Variants in STARD13 observed in about 807,000 individuals in gnomAD.
The protein encoded by STARD13 is StAR related lipid transfer domain containing 13, also known as stAR-related lipid transfer protein 13.
A neutral mutation model predicts 106.4 loss-of-function variants in STARD13; 62 were observed. The observed-to-expected ratio is 0.58, with a 90% CI of 0.48 to 0.72. The LOEUF (loss-of-function observed/expected upper bound fraction) is 0.72. Ranked by LOEUF, STARD13 falls within the 30% of genes least tolerant of loss-of-function variation. The pLI is 0.00. For synonymous variants in STARD13, 565 were observed against 553.0 expected, an observed-to-expected ratio of 1.02 and a Z score of -0.31; for missense variants, 1,387 against 1,424.0, an observed-to-expected ratio of 0.97 and a Z score of 0.42.
At chr13:33,220,942 T>C (rs1594125226) in intron 1 of STARD13, among the ~76,000 whole-genome samples, 2 of 152,314 alleles carry the variant, frequency 1.3e-5, no homozygotes, top group East Asian at 3.9e-4. Flanking sequence ...CTGAATATCG[T>C]TGGAGCAGTT....
chr13:33,373,129 C>T, the STARD13 span, among the ~76,000 whole-genome samples: 1 of 152,092 alleles, frequency 6.6e-6, no homozygotes, highest in East Asian at 1.9e-4. Flanking sequence ...CTCTTTCTTG[C>T]CATATGCTAG....
the STARD13 span, among the ~76,000 whole-genome samples, chr13:33,492,399 T>C: frequency 2.0e-5 from 3 of 152,114 alleles, no homozygotes; most frequent in Non-Finnish European, 4.4e-5. Context: ...AGGGGCTGGA[T>C]AAAATGAGGT....
the STARD13 span, among the ~76,000 whole-genome samples, chr13:33,650,164 ATTTTTTTTTTTTTTTTTTTTTT>A: frequency 3.5e-3 from 170 of 48,362 alleles, 2 homozygotes; most frequent in African/African-American, 0.01. Context: ...CGTGACTCCA[ATTTTTTTTTTTTTTTTTTTTTT>A]TTTTTTTTTT....
chr13:33,358,291 A>C, the STARD13 span, among the ~76,000 whole-genome samples: 1 of 152,222 alleles, frequency 6.6e-6, no homozygotes, highest in African/African-American at 2.4e-5. Context: ...GTGCAGCCCG[A>C]GCCTCCCCGA....
At chr13:33,413,314 A>C in the STARD13 span, among the ~76,000 whole-genome samples, 1 of 152,132 alleles carries the variant, frequency 6.6e-6, no homozygotes, top group African/African-American at 2.4e-5. Context: ...AAATGAGGAA[A>C]AGTCTCAAAT....
At chr13:33,258,052 T>C (rs1594176946) in intron 1 of STARD13, among the ~76,000 whole-genome samples, 1 of 152,370 alleles carries the variant, frequency 6.6e-6, no homozygotes, top group East Asian at 1.9e-4. Flanking sequence ...TTTATATGAA[T>C]GTGATAAGGC....
At chr13:33,500,867 T>C in the STARD13 span, among the ~76,000 whole-genome samples, 1 of 152,150 alleles carries the variant, frequency 6.6e-6, no homozygotes, top group African/African-American at 2.4e-5. Flanking sequence ...TTGATTCTCT[T>C]ACTGTTTTTC....
intron 1 of STARD13, among the ~76,000 whole-genome samples, chr13:33,343,511 G>A (rs1405473533): frequency 7.2e-6 from 1 of 139,282 alleles, no homozygotes; most frequent in African/African-American, 2.6e-5. Context: ...CTTCAAGGTT[G>A]AGGCTGCACT....
chr13:33,140,170 T>C (rs139106034), intron 4 of STARD13, among the ~76,000 whole-genome samples: 3 of 152,290 alleles, frequency 2.0e-5, no homozygotes, highest in Non-Finnish European at 2.9e-5. Context: ...CGCCTCTGGG[T>C]TTTGAAAAGC....
chr13:33,437,816 T>C, the STARD13 span, among the ~76,000 whole-genome samples: 1 of 152,216 alleles, frequency 6.6e-6, no homozygotes, highest in Admixed American at 6.5e-5. Context: ...AATATTTATG[T>C]GAAAATCGAT....
chr13:33,429,930 G>T, the STARD13 span, among the ~76,000 whole-genome samples: 10 of 149,466 alleles, frequency 6.7e-5, no homozygotes, highest in East Asian at 5.9e-4. Context: ...TTTTTTTTGG[G>T]GGGGGGGGAC....
At chr13:33,662,130 T>C in the STARD13 span, among the ~76,000 whole-genome samples, 5 of 151,636 alleles carry the variant, frequency 3.3e-5, no homozygotes, top group African/African-American at 7.3e-5. Context: ...GGCGTGGTGG[T>C]GGGCGCCTAT....
At chr13:33,246,985 T>C (rs2555601) in intron 1 of STARD13, among the ~76,000 whole-genome samples, 98,776 of 151,662 alleles carry the variant, frequency 0.65, 32,824 homozygotes, top group Middle Eastern at 0.72. Context: ...TCGCCTGAGG[T>C]CAGGAGTTCG....
At chr13:33,551,433 G>A in the STARD13 span, among the ~76,000 whole-genome samples, 3 of 152,074 alleles carry the variant, frequency 2.0e-5, no homozygotes, top group Non-Finnish European at 2.9e-5. Context: ...TTTCAGATTA[G>A]GGATGGTTAA....
intron 1 of STARD13, among the ~76,000 whole-genome samples, chr13:33,314,575 T>C (rs571095084): frequency 1.3e-5 from 2 of 152,348 alleles, no homozygotes; most frequent in East Asian, 3.9e-4. Flanking sequence ...AGTATTTTTA[T>C]GCATATAGCA....
chr13:33,259,951 G>A (rs967153937), intron 1 of STARD13, among the ~76,000 whole-genome samples: 16 of 146,314 alleles, frequency 1.1e-4, no homozygotes, highest in Admixed American at 4.9e-4. Context: ...AGCCGAGATC[G>A]TGCCACTGCA....
At chr13:33,388,818 A>G in the STARD13 span, among the ~76,000 whole-genome samples, 1 of 152,132 alleles carries the variant, frequency 6.6e-6, no homozygotes, top group Non-Finnish European at 1.5e-5. Context: ...CAGTAGCCTT[A>G]TATGGGAGGC....
At chr13:33,230,846 G>A (rs146072401) in intron 1 of STARD13, among the ~76,000 whole-genome samples, 71 of 152,362 alleles carry the variant, frequency 4.7e-4, no homozygotes, top group African/African-American at 1.7e-3. Context: ...GAGGATGGAA[G>A]AACCATAACT....
the STARD13 span, among the ~76,000 whole-genome samples, chr13:33,470,897 T>C: frequency 1.3e-5 from 2 of 152,230 alleles, no homozygotes; most frequent in African/African-American, 4.8e-5. Context: ...TGATGATAGT[T>C]TATTTTGGTG....
Sources: gnomAD v4.1 joint callset for allele counts (sites outside exome capture counted in the v4.1 genomes callset) on GRCh38, gnomAD v4.1.1 for gene constraint, MANE v1.5 for transcripts, NCBI Gene and HGNC (gene_info 2026-07-23, HGNC 2026-07-21) for gene names.